AUTS2: variants seen among roughly 807,000 people sequenced by gnomAD.
AUTS2 encodes the protein activator of transcription and developmental regulator AUTS2.
Under a neutral mutation model 112.4 loss-of-function variants are expected in AUTS2, and 17 were observed. The ratio of observed to expected loss-of-function variants is 0.15; its 90% CI spans 0.10 to 0.23. The LOEUF (loss-of-function observed/expected upper bound fraction) is 0.23, where lower values mean the gene tolerates loss of function less well. Ranked by LOEUF, AUTS2 falls within the 10% of genes least tolerant of loss-of-function variation. AUTS2 has a pLI of 1.00. For synonymous variants in AUTS2, 751 were observed against 702.7 expected, an observed-to-expected ratio of 1.07 and a Z score of -1.09; for missense variants, 1,510 against 1,701.6, an observed-to-expected ratio of 0.89 and a Z score of 1.98.
At chr7:70,370,551 T>C (rs1792793707) in intron 4 of AUTS2, among the ~76,000 whole-genome samples, 2 of 152,238 alleles carry the variant, frequency 1.3e-5, no homozygotes, top group African/African-American at 4.8e-5. Context: ...TACATTACAT[T>C]GATACACCAC....
At chr7:70,523,549 C>A (rs1799725525) in intron 5 of AUTS2, among the ~76,000 whole-genome samples, 1 of 152,182 alleles carries the variant, frequency 6.6e-6, no homozygotes, top group African/African-American at 2.4e-5. Flanking sequence ...CTAGGTGGAG[C>A]TGCAGGAATA....
At chr7:70,681,775 T>C (rs1808223872) in intron 5 of AUTS2, among the ~76,000 whole-genome samples, 2 of 152,176 alleles carry the variant, frequency 1.3e-5, no homozygotes, top group South Asian at 4.1e-4. Context: ...TTCTTGGTAT[T>C]TGTAATGCAA....
In AUTS2 at chr7:69,667,169, G is replaced by A. The variant is rs1054289317; in HGVS notation, c.309+67207G>A. 7.2e-5 allele frequency among the ~76,000 whole-genome samples: 11 copies of A among 152,134 alleles called. No individual in the cohort carries two copies. The East Asian group carries it at 1.9e-3, about 27-fold the overall frequency. ...TTCAGATCTCTCTTCTGATAAAGCC[G>A]CTATCCCTACTCCCACAATAACCCA... On this transcript the variant is annotated intron_variant, in intron 1 of 18. Transcript: ENST00000342771.
intron 5 of AUTS2, among the ~76,000 whole-genome samples, chr7:70,475,349 C>A (rs1797542137): frequency 6.6e-6 from 1 of 152,196 alleles, no homozygotes; most frequent in African/African-American, 2.4e-5. Context: ...TCTTCCCCAG[C>A]CAGAAGTGAT....
At chr7:70,122,885 T>C (rs1805758260) in intron 3 of AUTS2, among the ~76,000 whole-genome samples, 1 of 149,614 alleles carries the variant, frequency 6.7e-6, no homozygotes, top group Admixed American at 6.7e-5. Context: ...TTTTTTTTTT[T>C]TTTCCGTGAC....
At chr7:70,665,645 A>G (rs187319199) in intron 5 of AUTS2, among the ~76,000 whole-genome samples, 1 of 152,238 alleles carries the variant, frequency 6.6e-6, no homozygotes, top group African/African-American at 2.4e-5. Context: ...TTAGCTACAG[A>G]AGCACTCAGC....
In AUTS2 at chr7:70,039,980, G is replaced by A. The variant is rs1237725926; in HGVS notation, c.523-78152G>A. Among the ~76,000 whole-genome samples, 7 of 152,304 alleles carry A rather than the reference G, an allele frequency of 4.6e-5. 1 individual carries two copies. The South Asian group carries it at 1.2e-3, about 27-fold the overall frequency. On this transcript the variant is annotated intron_variant, in intron 2 of 18. Transcript: ENST00000342771. ...TTTAAATTTAGGCAGTGGGGAGCAT[G>A]AGGCTGCAGAGAAACAAACATCCAA...
chr7:70,682,713 A>G (rs890027323), intron 5 of AUTS2, among the ~76,000 whole-genome samples: 3 of 152,214 alleles, frequency 2.0e-5, no homozygotes, highest in African/African-American at 4.8e-5. Context: ...CTGGAAATAC[A>G]ATGCTGCCAT....
intron 1 of AUTS2, among the ~76,000 whole-genome samples, chr7:69,733,967 C>A (rs1786916745): frequency 6.6e-6 from 1 of 152,148 alleles, no homozygotes. Context: ...ACTTATTCAA[C>A]CTCTTTTTAG....
intron 1 of AUTS2, among the ~76,000 whole-genome samples, chr7:69,767,055 G>A (rs554128945): frequency 6.6e-5 from 10 of 152,362 alleles, no homozygotes; most frequent in African/African-American, 2.2e-4. Flanking sequence ...CCCATAGGTC[G>A]CGCATGTGCG....
chr7:70,137,737 T>C (rs1401927198), intron 4 of AUTS2, among the ~76,000 whole-genome samples: 1 of 152,214 alleles, frequency 6.6e-6, no homozygotes, highest in African/African-American at 2.4e-5. Flanking sequence ...AGAATATCAC[T>C]CTATACTACC....
At chr7:69,950,186 A>G (rs1347872380) in intron 2 of AUTS2, among the ~76,000 whole-genome samples, 1 of 152,162 alleles carries the variant, frequency 6.6e-6, no homozygotes, top group African/African-American at 2.4e-5. Context: ...ATATATCTAT[A>G]TCTATACCTA....
chr7:70,639,992 A>G (rs1408526993), intron 5 of AUTS2, among the ~76,000 whole-genome samples: 3 of 44,746 alleles, frequency 6.7e-5, no homozygotes, highest in African/African-American at 2.0e-4. Flanking sequence ...GAAAATTTGA[A>G]AACATTACGG....
chr7:70,269,738 T>C (rs1787597171), intron 4 of AUTS2, among the ~76,000 whole-genome samples: 1 of 152,206 alleles, frequency 6.6e-6, no homozygotes, highest in Admixed American at 6.5e-5. Context: ...CTGTTACCAT[T>C]TTACTATCTC....
At chr7:69,844,770 G>T (rs918391378) in intron 1 of AUTS2, among the ~76,000 whole-genome samples, 3 of 152,124 alleles carry the variant, frequency 2.0e-5, no homozygotes, top group African/African-American at 7.2e-5. Flanking sequence ...TTTATCGGTA[G>T]ATCTTAGCCC....
At chr7:69,625,574 T>A (rs1793906258) in intron 1 of AUTS2, among the ~76,000 whole-genome samples, 1 of 152,096 alleles carries the variant, frequency 6.6e-6, no homozygotes, top group South Asian at 2.1e-4. Context: ...AAAGTGTTAT[T>A]TGGGCTGCGC....
rs79368991 is a variant in AUTS2 at position 70,633,069 on chromosome 7, C to T, written c.691-65500C>T. 2.9e-3 allele frequency among the ~76,000 whole-genome samples: 436 copies of T among 152,288 alleles called. 4 individuals carry two copies. The highest frequency in any genetic ancestry group is 9.9e-3 in the African/African-American group (411 of 41,560). ...GGGCTCTGAGAGCAGCATCCATGCC[C>T]CATGGGGTAGAGGGCAAGACAGTGA... On this transcript the variant is annotated intron_variant, in intron 5 of 18. Transcript: ENST00000342771.
chr7:70,415,764 A>G (rs1181662423), intron 4 of AUTS2, among the ~76,000 whole-genome samples: 1 of 152,192 alleles, frequency 6.6e-6, no homozygotes. Flanking sequence ...GAGCAAGTCA[A>G]CGGTAACAGG....
intron 4 of AUTS2, chr7:70,294,088 A>G (rs1037915150): frequency 4.6e-5 from 7 of 152,228 alleles, no homozygotes; most frequent in Non-Finnish European, 8.8e-5. Flanking sequence ...AATAATATAG[A>G]TTATTTGAAT....
Sources: gnomAD v4.1 joint callset for allele counts (sites outside exome capture counted in the v4.1 genomes callset) on GRCh38, gnomAD v4.1.1 for gene constraint, MANE v1.5 for transcripts, NCBI Gene and HGNC (gene_info 2026-07-23, HGNC 2026-07-21) for gene names.